SRPK2: variants seen among roughly 807,000 people sequenced by gnomAD.
The protein encoded by SRPK2 is SFRS protein kinase 2.
SRPK2 carries 21 observed loss-of-function variants against 90.8 expected under a neutral mutation model. The ratio of observed to expected loss-of-function variants is 0.23; its 90% CI spans 0.16 to 0.33. SRPK2 has a LOEUF of 0.33. Ranked by LOEUF, SRPK2 falls within the 10% of genes least tolerant of loss-of-function variation. The pLI, the probability that SRPK2 is intolerant of heterozygous loss-of-function variation, is 1.00. For missense variants in SRPK2, 620 were observed against 869.0 expected (o/e 0.71, Z 3.60); for synonymous variants, 288 against 311.1 (o/e 0.93, Z 0.78).
intron 2 of SRPK2, among the ~76,000 whole-genome samples, chr7:105,325,540 G>A (rs796768561): frequency 1.1e-5 from 1 of 93,638 alleles, no homozygotes; most frequent in African/African-American, 4.3e-5. Flanking sequence ...TTTTCCCCTA[G>A]TTTCTCAAGG....
At chr7:105,274,561 C>CA (rs1044900577) in intron 2 of SRPK2, among the ~76,000 whole-genome samples, 20 of 138,892 alleles carry the variant, frequency 1.4e-4, no homozygotes, top group African/African-American at 2.1e-4. Context: ...GACTCCGTCT[C>CA]AAAAAAAAAA....
chr7:105,143,727 G>A (rs1286169198), intron 9 of SRPK2: 2 of 200,268 alleles, frequency 1.0e-5, no homozygotes, highest in Non-Finnish European at 2.1e-5. Flanking sequence ...AATGAAACAG[G>A]TGCCCGAGCA....
At chr7:105,355,287 G>A (rs1219515145) in intron 2 of SRPK2, among the ~76,000 whole-genome samples, 3 of 151,970 alleles carry the variant, frequency 2.0e-5, no homozygotes, top group African/African-American at 7.3e-5. Flanking sequence ...CTAGAGACCA[G>A]GAGTTCAAGA....
intron 2 of SRPK2, among the ~76,000 whole-genome samples, chr7:105,297,961 C>G (rs918185640): frequency 6.6e-6 from 1 of 152,144 alleles, no homozygotes; most frequent in Non-Finnish European, 1.5e-5. Flanking sequence ...AAGCTGGTCT[C>G]GAACTCCTGA....
At chr7:105,180,939 C>G (rs781488554) in intron 3 of SRPK2, among the ~76,000 whole-genome samples, 1 of 152,084 alleles carries the variant, frequency 6.6e-6, no homozygotes, top group Non-Finnish European at 1.5e-5. Flanking sequence ...AGTAAACAAC[C>G]TACAGGATGG....
chr7:105,118,582 G>C (rs988861209), intron 15 of SRPK2, among the ~76,000 whole-genome samples: 3 of 152,060 alleles, frequency 2.0e-5, no homozygotes, highest in Non-Finnish European at 2.9e-5. Context: ...GAGCTGTAAT[G>C]GTCATTTCAT....
intron 2 of SRPK2, among the ~76,000 whole-genome samples, chr7:105,338,308 T>G (rs889999547): frequency 1.3e-5 from 2 of 152,216 alleles, no homozygotes; most frequent in Admixed American, 1.3e-4. Context: ...TGATCTCCGC[T>G]CACTGCAACC....
intron 2 of SRPK2, among the ~76,000 whole-genome samples, chr7:105,254,034 C>A (rs1255769022): frequency 2.6e-5 from 4 of 152,132 alleles, no homozygotes; most frequent in African/African-American, 9.7e-5. Context: ...AAATAGAATA[C>A]CCAAATTTTC....
intron 2 of SRPK2, among the ~76,000 whole-genome samples, chr7:105,340,795 C>T (rs1815677636): frequency 1.3e-5 from 2 of 152,006 alleles, no homozygotes; most frequent in South Asian, 2.1e-4. Flanking sequence ...AAAGATATGG[C>T]AGTATTTGTT....
In SRPK2 at chr7:105,142,292, G is replaced by C. The variant is rs1184030334; in HGVS notation, c.1259C>G (p.Pro420Arg). The change falls in exon 11 of 16, where the codon CCA becomes CGA. Residue 420 changes from proline to arginine, a missense_variant. Physicochemically the swap from Pro to Arg is moderately radical, Grantham distance 103. Transcript: ENST00000393651. ...DDEDDDEEDC[P>R]NPEEYNLDEP... ...ATCAAGATTATATTCCTCAGGATTTGGGCAGTCTTCTTCATCATCATCTTC... is the reference window on the plus strand; with the variant it reads ...ATCAAGATTATATTCCTCAGGATTTCGGCAGTCTTCTTCATCATCATCTTC... 1.9e-6 allele frequency: 3 copies of C among 1,614,104 alleles called. No individual in the cohort carries two copies. The South Asian group carries it at 3.3e-5, about 18-fold the overall frequency.
At chr7:105,356,115 G>A (rs571883708) in intron 2 of SRPK2, among the ~76,000 whole-genome samples, 1 of 152,106 alleles carries the variant, frequency 6.6e-6, no homozygotes, top group Non-Finnish European at 1.5e-5. Context: ...GCAAGGCTCA[G>A]TTCTCTGTTC....
chr7:105,281,499 C>A (rs1481205423), intron 2 of SRPK2, among the ~76,000 whole-genome samples: 1 of 152,104 alleles, frequency 6.6e-6, no homozygotes, highest in Non-Finnish European at 1.5e-5. Context: ...AAGACTCCAG[C>A]GCTACCCACC....
chr7:105,247,980 G>A (rs1047992789), intron 2 of SRPK2, among the ~76,000 whole-genome samples: 12 of 151,278 alleles, frequency 7.9e-5, no homozygotes, highest in Non-Finnish European at 1.8e-4. Flanking sequence ...TCAGCCTCTC[G>A]AGTAGCTGGG....
At chr7:105,281,631 C>G (rs1378975489) in intron 2 of SRPK2, among the ~76,000 whole-genome samples, 1 of 151,106 alleles carries the variant, frequency 6.6e-6, no homozygotes, top group South Asian at 2.1e-4. Context: ...TCACTGCACT[C>G]CACCCTCAGC....
At chr7:105,325,974 C>T (rs1330939114) in intron 2 of SRPK2, among the ~76,000 whole-genome samples, 1 of 152,218 alleles carries the variant, frequency 6.6e-6, no homozygotes, top group Admixed American at 6.5e-5. Context: ...TGAGGGGCCT[C>T]GGATAGCCTT....
At chr7:105,178,790 C>T (rs956229457) in intron 3 of SRPK2, among the ~76,000 whole-genome samples, 2 of 151,842 alleles carry the variant, frequency 1.3e-5, no homozygotes, top group African/African-American at 4.8e-5. Flanking sequence ...ACCTGGGAGA[C>T]AAAGTAAGGC....
At chr7:105,270,773 T>A (rs549584651) in intron 2 of SRPK2, among the ~76,000 whole-genome samples, 1 of 152,108 alleles carries the variant, frequency 6.6e-6, no homozygotes, top group Admixed American at 6.5e-5. Flanking sequence ...AAAGCCTCTA[T>A]CTCCTCTCCT....
chr7:105,389,380 T>C, upstream of SRPK2: 1 of 1,253,738 alleles, frequency 8.0e-7, no homozygotes, highest in Non-Finnish European at 1.0e-6. Flanking sequence ...TGAGCGCCGC[T>C]TCCTCCTCTC....
intron 2 of SRPK2, among the ~76,000 whole-genome samples, chr7:105,258,120 A>AG (rs1803608963): frequency 6.6e-6 from 1 of 150,998 alleles, no homozygotes; most frequent in Non-Finnish European, 1.5e-5. Flanking sequence ...CAAAAAAAAA[A>AG]GGAAAGCATG....
Sources: gnomAD v4.1 joint callset for allele counts (sites outside exome capture counted in the v4.1 genomes callset) on GRCh38, gnomAD v4.1.1 for gene constraint, MANE v1.5 for transcripts, NCBI Gene and HGNC (gene_info 2026-07-23, HGNC 2026-07-21) for gene names.